The following ACTL6A variants were observed in gnomAD, a reference collection of about 807,000 sequenced individuals.
ACTL6A encodes actin-like protein 6A.
In ACTL6A, 5 loss-of-function variants were observed where a neutral mutation model predicts 59.2. That is an observed-to-expected ratio of 0.08 (90% CI 0.04 to 0.18). The LOEUF is 0.18. Ranked by LOEUF, ACTL6A falls within the 10% of genes least tolerant of loss-of-function variation. The pLI is 1.00. For synonymous variants in ACTL6A, 154 were observed against 171.8 expected (o/e 0.90, Z 0.81); for missense variants, 285 against 526.9 (o/e 0.54, Z 4.49).
chr3:179,564,041 T>TA (rs1717756869), intron 1 of ACTL6A, among the ~76,000 whole-genome samples: 1 of 152,228 alleles, frequency 6.6e-6, no homozygotes, highest in South Asian at 2.1e-4. Context: ...ATTTGCCACT[T>TA]AAAGTCTGGC....
rs767521903 is a variant in ACTL6A, at chr3:179,587,932, T to C, written c.1212T>C (p.Gly404=). 5 of 1,601,404 alleles carry C rather than the reference T, an allele frequency of 3.1e-6. No individual in the cohort carries two copies. Among genetic ancestry groups the C allele is most frequent in the Non-Finnish European group, 4.2e-6 (5 of 1,176,694 alleles). ...WIGGSILASL[G]TFQQMWISKQ... ...ATAAATTTCTTTCCATTTTACAGGGTACCTTTCAACAGATGTGGATTTCCA... is the reference window on the plus strand; with the variant it reads ...ATAAATTTCTTTCCATTTTACAGGGCACCTTTCAACAGATGTGGATTTCCA... The change falls in exon 14 of 14, where the codon GGT becomes GGC. Residue 404 remains glycine, a splice_region_variant and synonymous_variant. Transcript: ENST00000429709.
At chr3:179,581,339 A>C (rs1718334236) in intron 11 of ACTL6A, 119 bp downstream of exon 11, 1 of 821,344 alleles carries the variant, frequency 1.2e-6, no homozygotes, top group South Asian at 1.6e-5. Context: ...TTTGAGGTTC[A>C]TTTTATAACA....
chr3:179,575,728 C>G (rs1718148371), intron 5 of ACTL6A, among the ~76,000 whole-genome samples: 1 of 152,176 alleles, frequency 6.6e-6, no homozygotes, highest in South Asian at 2.1e-4. Flanking sequence ...AGTTTTCCCG[C>G]TCATTGAGTT....
chr3:179,567,295 G>A (rs1717865734), intron 1 of ACTL6A, among the ~76,000 whole-genome samples: 1 of 152,192 alleles, frequency 6.6e-6, no homozygotes, highest in Non-Finnish European at 1.5e-5. Context: ...GAACCCCGGA[G>A]GTGGAGGTTG....
chr3:179,563,312 C>A, intron 1 of ACTL6A, 195 bp downstream of exon 1: 1 of 955,400 alleles, frequency 1.0e-6, no homozygotes, highest in Non-Finnish European at 1.5e-6. Flanking sequence ...CTCGGGCTCC[C>A]TGAAGTGGCG....
chr3:179,569,604 G>A (rs1207907161), intron 1 of ACTL6A, among the ~76,000 whole-genome samples: 5 of 152,174 alleles, frequency 3.3e-5, no homozygotes, highest in Non-Finnish European at 7.3e-5. Context: ...GGGATGCTGA[G>A]GCAGAGGATT....
chr3:179,579,435 ATTATT>A (rs1015192138), intron 8 of ACTL6A, among the ~76,000 whole-genome samples: 18 of 145,934 alleles, frequency 1.2e-4, no homozygotes, highest in African/African-American at 3.1e-4. Context: ...TTTTTTAAAA[ATTATT>A]TTATTTATAT....
At chr3:179,573,519 TCTTTTTTTTTTC>T in intron 4 of ACTL6A, 50 bp downstream of exon 4, 1 of 1,112,910 alleles carries the variant, frequency 9.0e-7, no homozygotes, top group South Asian at 1.7e-5. Context: ...TTTTTTTTTT[TCTTTTTTTTTTC>T]CTTTAGTTTT....
At chr3:179,581,640 A>G (rs16830600) in intron 11 of ACTL6A, among the ~76,000 whole-genome samples, 13,717 of 152,244 alleles carry the variant, frequency 0.09, 664 homozygotes, top group South Asian at 0.17. Flanking sequence ...TTTCTTACAG[A>G]TAGCACAACT....
intron 12 of ACTL6A, among the ~76,000 whole-genome samples, chr3:179,584,096 T>C (rs1718412680): frequency 6.6e-6 from 1 of 152,140 alleles, no homozygotes; most frequent in Admixed American, 6.6e-5. Context: ...TTTGTTGTCT[T>C]ATAGTTCTTG....
chr3:179,575,451 G>A (rs547520002), intron 5 of ACTL6A: 1 of 456,608 alleles, frequency 2.2e-6, no homozygotes, highest in Admixed American at 2.3e-5. Flanking sequence ...CAGGGAAAAG[G>A]CAGTTTTGGT....
At chr3:179,579,523 T>C (rs937392922) in intron 8 of ACTL6A, among the ~76,000 whole-genome samples, 4 of 151,018 alleles carry the variant, frequency 2.6e-5, no homozygotes, top group African/African-American at 9.8e-5. Context: ...GCACGGTGGC[T>C]CATGCCTGTA....
chr3:179,582,678 A>T (rs1310329169), intron 11 of ACTL6A, among the ~76,000 whole-genome samples: 1 of 152,190 alleles, frequency 6.6e-6, no homozygotes. Flanking sequence ...ATATTTCCAG[A>T]TGAGCATTCT....
At chr3:179,572,143 A>G (rs1331648603) in intron 3 of ACTL6A, among the ~76,000 whole-genome samples, 1 of 152,246 alleles carries the variant, frequency 6.6e-6, no homozygotes, top group African/African-American at 2.4e-5. Flanking sequence ...AGAGGATTGA[A>G]GATGGAGTTC....
In ACTL6A at chr3:179,563,700, T is replaced by C. The variant is rs372453104; in HGVS notation, c.25+583T>C. Among the ~76,000 whole-genome samples the C allele has an allele frequency of 1.2e-3, 185 of 152,330 alleles. 1 individual carries two copies. Among genetic ancestry groups the C allele is most frequent in the African/African-American group, 3.7e-3 (155 of 41,574 alleles). On this transcript the variant is annotated intron_variant, in intron 1 of 13. Transcript: ENST00000429709. ...GAGCTGCCTCACCTTTCAGTAACTC[T>C]TGCCTGTTTTTTGGCTGCGGAGTCT...
At chr3:179,584,984 T>C (rs189397694) in intron 12 of ACTL6A, among the ~76,000 whole-genome samples, 270 of 152,360 alleles carry the variant, frequency 1.8e-3, no homozygotes, top group Non-Finnish European at 2.6e-3. Context: ...AAAAGTGATA[T>C]CTAAATATAT....
Position 179,563,066 on chromosome 3 carries a change from A to G in ACTL6A, c.-27A>G, listed in dbSNP as rs1167616683. 1 of 1,610,460 alleles carries G rather than the reference A, an allele frequency of 6.2e-7. No individual in the cohort carries two copies. Among genetic ancestry groups the G allele is most frequent in the African/African-American group, 1.3e-5 (1 of 75,012 alleles). On this transcript the variant is annotated 5_prime_UTR_variant, in exon 1 of 14. Transcript: ENST00000429709. ...GCAGTCACTTCGCCAGTTAGCCCTT[A>G]GGGTAGGAGTCGCGCCGGCAGCAGC... is the stretch of plus-strand genomic sequence containing the variant.
intron 1 of ACTL6A, among the ~76,000 whole-genome samples, chr3:179,564,077 C>T (rs1045102646): frequency 3.3e-5 from 5 of 152,178 alleles, no homozygotes; most frequent in African/African-American, 4.8e-5. Flanking sequence ...GTCAGCATCA[C>T]CTGCAAGCCT....
intron 12 of ACTL6A, among the ~76,000 whole-genome samples, chr3:179,585,273 T>C (rs1718450646): frequency 6.6e-6 from 1 of 152,166 alleles, no homozygotes; most frequent in African/African-American, 2.4e-5. Flanking sequence ...CGGCTAATTT[T>C]TTATTTTTAG....
Sources: allele counts gnomAD v4.1 joint callset (sites outside exome capture counted in the v4.1 genomes callset), GRCh38; gene constraint gnomAD v4.1.1; transcripts MANE v1.5; gene names NCBI Gene and HGNC (gene_info 2026-07-23, HGNC 2026-07-21).